Variants in MAPKAP1 observed in about 807,000 individuals in gnomAD.
The protein encoded by MAPKAP1 is target of rapamycin complex 2 subunit MAPKAP1.
In MAPKAP1, 20 loss-of-function variants were observed where a neutral mutation model predicts 65.7. That is an observed-to-expected ratio of 0.30 (90% CI 0.21 to 0.44). MAPKAP1 has a LOEUF of 0.44. Among genes scored for constraint, MAPKAP1 ranks in the 20% least tolerant of loss-of-function variants. MAPKAP1 has a pLI of 1.00. For synonymous variants in MAPKAP1, 222 were observed against 244.3 expected (o/e 0.91, Z 0.85); for missense variants, 423 against 648.0 (o/e 0.65, Z 3.77).
chr9:125,464,204 TAAAAAAAAAAA>T (rs57497941), intron 10 of MAPKAP1, among the ~76,000 whole-genome samples: 1,568 of 83,328 alleles, frequency 0.019, 51 homozygotes, highest in African/African-American at 0.062. Flanking sequence ...TCTCATATAT[TAAAAAAAAAAA>T]AAAAAAAAAA....
At chr9:125,521,851 C>A (rs928704352) in intron 7 of MAPKAP1, 33 of 1,267,236 alleles carry the variant, frequency 2.6e-5, no homozygotes, top group Non-Finnish European at 3.2e-5. Flanking sequence ...TGACTCCAAC[C>A]TGAGTCAGTG....
At chr9:125,667,301 A>G (rs570846271) in intron 3 of MAPKAP1, among the ~76,000 whole-genome samples, 1 of 152,238 alleles carries the variant, frequency 6.6e-6, no homozygotes, top group African/African-American at 2.4e-5. Context: ...TGATGCACCT[A>G]TATTTGATGT....
At chr9:125,684,842 C>G (rs769096112) in intron 1 of MAPKAP1, among the ~76,000 whole-genome samples, 4 of 152,132 alleles carry the variant, frequency 2.6e-5, no homozygotes, top group Non-Finnish European at 5.9e-5. Flanking sequence ...CTACCACACC[C>G]GGCTAATTTT....
At chr9:125,592,355 A>G (rs937223619) in intron 4 of MAPKAP1, among the ~76,000 whole-genome samples, 3 of 152,198 alleles carry the variant, frequency 2.0e-5, no homozygotes, top group Non-Finnish European at 4.4e-5. Flanking sequence ...ATACACCAAA[A>G]GGTGAGCAGG....
At chr9:125,609,517 GTTTA>G (rs1253239103) in intron 4 of MAPKAP1, among the ~76,000 whole-genome samples, 5 of 152,030 alleles carry the variant, frequency 3.3e-5, no homozygotes, top group African/African-American at 9.7e-5. Context: ...AGAGTATGTT[GTTTA>G]TTTGTCTTTA....
At chr9:125,669,987 G>T in intron 2 of MAPKAP1, 80 bp from the exon 3 acceptor site, 2 of 797,372 alleles carry the variant, frequency 2.5e-6, no homozygotes, top group Non-Finnish European at 4.0e-6. Flanking sequence ...ACCTTTACAT[G>T]AATAAAGATG....
At chr9:125,631,141 C>G (rs1280225217) in intron 4 of MAPKAP1, among the ~76,000 whole-genome samples, 3 of 151,874 alleles carry the variant, frequency 2.0e-5, no homozygotes, top group Non-Finnish European at 2.9e-5. Context: ...CCTTCTTCCT[C>G]TCTCACCATG....
At chr9:125,545,389 T>C (rs1766370638) in intron 6 of MAPKAP1, among the ~76,000 whole-genome samples, 1 of 152,192 alleles carries the variant, frequency 6.6e-6, no homozygotes, top group South Asian at 2.1e-4. Flanking sequence ...TCAACCACGT[T>C]CAGATTTGCC....
chr9:125,682,865 C>T (rs1231655775), intron 1 of MAPKAP1, among the ~76,000 whole-genome samples: 1 of 152,112 alleles, frequency 6.6e-6, no homozygotes, highest in East Asian at 1.9e-4. Flanking sequence ...ACATGCTGGG[C>T]ACCAAAGATA....
chr9:125,460,073 G>T (rs1433548340), intron 10 of MAPKAP1, among the ~76,000 whole-genome samples: 1 of 152,070 alleles, frequency 6.6e-6, no homozygotes, highest in African/African-American at 2.4e-5. Flanking sequence ...CTTTCACACA[G>T]AATTTTTCAG....
intron 1 of MAPKAP1, among the ~76,000 whole-genome samples, chr9:125,704,484 C>T (rs1835700196): frequency 6.6e-6 from 1 of 152,190 alleles, no homozygotes; most frequent in Non-Finnish European, 1.5e-5. Flanking sequence ...CACACACAGA[C>T]ATCTCCTCTA....
At chr9:125,661,147 T>G (rs1207504094) in intron 3 of MAPKAP1, among the ~76,000 whole-genome samples, 1 of 152,106 alleles carries the variant, frequency 6.6e-6, no homozygotes, top group Non-Finnish European at 1.5e-5. Flanking sequence ...ATAAGAGATA[T>G]GCAAATTAAA....
chr9:125,528,723 T>G (rs573641286), intron 7 of MAPKAP1, among the ~76,000 whole-genome samples: 21 of 151,566 alleles, frequency 1.4e-4, no homozygotes, highest in African/African-American at 5.1e-4. Context: ...GGCACATGCC[T>G]GTGGCGCCAG....
chr9:125,665,625 AAAAAAAC>A lies in MAPKAP1; in HGVS notation c.349+4186_349+4192del, dbSNP rs1003899654. Among the ~76,000 whole-genome samples, 35 of 151,876 alleles carry A rather than the reference AAAAAAAC, an allele frequency of 2.3e-4. No homozygotes were observed. The East Asian group carries it at 4.1e-3, about 18-fold the overall frequency. On this transcript the variant is annotated intron_variant, in intron 3 of 11. Coordinates refer to ENST00000265960, the MANE Select transcript of MAPKAP1 (RefSeq NM_001006617.3). Reference sequence around the variant, plus strand: ...ATGAAATAAACAGCCTTGTTGCTCAAAAAAAACAAAAAACAAAAAACAAAAAAAAAAC... The same window carrying A: ...ATGAAATAAACAGCCTTGTTGCTCAAAAAAAACAAAAAACAAAAAAAAAAC...
At chr9:125,524,644 T>C (rs1041049015) in intron 7 of MAPKAP1, among the ~76,000 whole-genome samples, 1 of 152,254 alleles carries the variant, frequency 6.6e-6, no homozygotes, top group Non-Finnish European at 1.5e-5. Flanking sequence ...TTTTCCTTTC[T>C]CAGAGTTTTC....
chr9:125,680,058 G>A (rs1175146326), intron 1 of MAPKAP1, among the ~76,000 whole-genome samples: 1 of 151,472 alleles, frequency 6.6e-6, no homozygotes, highest in Non-Finnish European at 1.5e-5. Flanking sequence ...TGCTGAGGGA[G>A]TTAACAACAT....
At chr9:125,463,643 T>A (rs1290695982) in intron 10 of MAPKAP1, among the ~76,000 whole-genome samples, 1 of 152,196 alleles carries the variant, frequency 6.6e-6, no homozygotes, top group African/African-American at 2.4e-5. Context: ...TGCATCCAAA[T>A]GGTGTTCTGG....
At chr9:125,642,707 C>T (rs1046840923) in intron 4 of MAPKAP1, among the ~76,000 whole-genome samples, 1 of 152,092 alleles carries the variant, frequency 6.6e-6, no homozygotes, top group Non-Finnish European at 1.5e-5. Flanking sequence ...AGTATGCCTA[C>T]GCTGCATTTT....
At chr9:125,504,792 CA>C (rs984937708) in intron 8 of MAPKAP1, among the ~76,000 whole-genome samples, 1 of 151,848 alleles carries the variant, frequency 6.6e-6, no homozygotes, top group Admixed American at 6.6e-5. Context: ...GACTCTGTCT[CA>C]AAAAAACCCC....
Sources: allele counts gnomAD v4.1 joint callset (sites outside exome capture counted in the v4.1 genomes callset), GRCh38; gene constraint gnomAD v4.1.1; transcripts MANE v1.5; gene names NCBI Gene and HGNC (gene_info 2026-07-23, HGNC 2026-07-21).